Variants in TFAP2E observed in about 807,000 individuals in gnomAD.
TFAP2E encodes transcription factor AP-2 epsilon.
Under a neutral mutation model 37.9 loss-of-function variants are expected in TFAP2E, and 30 were observed. That is an observed-to-expected ratio of 0.79 (90% CI 0.59 to 1.07). TFAP2E has a LOEUF of 1.07. Ranked by LOEUF, TFAP2E falls within the 50% of genes least tolerant of loss-of-function variation. The probability of loss-of-function intolerance (pLI) is 0.00; values close to 1 mark genes in which losing one functional copy is unlikely to be tolerated. For synonymous variants in TFAP2E, 318 were observed against 295.8 expected, an observed-to-expected ratio of 1.08 and a Z score of -0.77; for missense variants, 567 against 637.9, an observed-to-expected ratio of 0.89 and a Z score of 1.20.
chr1:35,592,817 G>A (rs992444944), intron 6 of TFAP2E, among the ~76,000 whole-genome samples: 1 of 152,172 alleles, frequency 6.6e-6, no homozygotes, highest in Non-Finnish European at 1.5e-5. Context: ...TCCTCACATT[G>A]TAGAAGGGAG....
intron 3 of TFAP2E, among the ~76,000 whole-genome samples, chr1:35,579,136 A>G (rs1172993250): frequency 7.1e-6 from 1 of 140,594 alleles, no homozygotes; most frequent in Non-Finnish European, 1.5e-5. Context: ...GGCTCACACC[A>G]TGTGATCCCA....
rs1649790021 is a variant in TFAP2E, at chr1:35,594,953, G to A, written c.*277G>A. The A allele has an allele frequency of 2.0e-6, 1 of 495,224 alleles. No homozygotes were observed. The highest frequency in any genetic ancestry group is 1.9e-5 in the African/African-American group (1 of 51,448). The allele number at this position is 495,224 out of a possible 1,614,324, so 30.7% of individuals were successfully genotyped here. On this transcript the variant is annotated 3_prime_UTR_variant, in exon 7 of 7. Coordinates refer to ENST00000373235, the MANE Select transcript of TFAP2E (RefSeq NM_178548.4). ...AAGGGTTTGGACAGAAAATTGACAT[G>A]AAAAGATCTGGCTCATGGGGCAGAG...
intron 3 of TFAP2E, among the ~76,000 whole-genome samples, chr1:35,579,492 C>T (rs191994731): frequency 6.6e-6 from 1 of 152,050 alleles, no homozygotes; most frequent in African/African-American, 2.4e-5. Context: ...CAACCTCTGC[C>T]TCTCAGATTC....
chr1:35,594,366 C>T, intron 6 of TFAP2E, 28 bp from the exon 7 acceptor site: 1 of 1,602,924 alleles, frequency 6.2e-7, no homozygotes, highest in Non-Finnish European at 8.5e-7. Flanking sequence ...TTTTGTCCTC[C>T]AACCTCTGAC....
chr1:35,589,659 C>T (rs1355893307), intron 4 of TFAP2E, among the ~76,000 whole-genome samples: 1 of 151,980 alleles, frequency 6.6e-6, no homozygotes, highest in Non-Finnish European at 1.5e-5. Context: ...CCCCAGGATG[C>T]CCCACCCTGG....
intron 6 of TFAP2E, among the ~76,000 whole-genome samples, chr1:35,591,835 T>C (rs1428025676): frequency 6.6e-6 from 1 of 152,120 alleles, no homozygotes; most frequent in African/African-American, 2.4e-5. Context: ...CACAGGCGCC[T>C]GCCACCAGGC....
In TFAP2E at chr1:35,577,548, C is replaced by A; in HGVS notation, c.562+2548C>A. ...CCTGAAGCGTCGGATCCCTACAGTG[C>A]CTCCCAGCCTGGGCGGGAGCGGCGG... On this transcript the variant is annotated intron_variant, in intron 3 of 6. Coordinates refer to ENST00000373235, the MANE Select transcript of TFAP2E (RefSeq NM_178548.4). The surrounding 1 kb of genome is among the most constrained non-coding windows in gnomAD (Gnocchi z 6.3). 1 of 409,458 alleles carries A rather than the reference C, an allele frequency of 2.4e-6. No individual in the cohort carries two copies. The highest frequency in any genetic ancestry group is 5.0e-6 in the Non-Finnish European group (1 of 199,164). 25.4% of individuals were successfully genotyped at this position (409,458 alleles called of 1,614,324 possible).
At position 35,589,967 on chromosome 1, in the gene TFAP2E, C is replaced by T. The variant is rs746570827; in HGVS notation, c.823C>T (p.Arg275Trp). The T allele has an allele frequency of 5.6e-6, 9 of 1,614,014 alleles. No homozygotes were observed. The highest frequency in any genetic ancestry group is 3.3e-5 in the South Asian group (3 of 91,072). The change falls in exon 5 of 7, where the codon CGG becomes TGG. Residue 275 changes from arginine (R) to tryptophan (W), a missense_variant. By Grantham distance (101) the Arg-to-Trp change is moderately radical. Around this residue, in one of 3 missense-constraint regions of TFAP2E, gnomAD observed 252 missense variants for 302.6 expected, o/e 0.83. Coordinates refer to ENST00000373235, the MANE Select transcript of TFAP2E (RefSeq NM_178548.4). ...AAATGGGGGCCGGTGTTTGCGGGAACGGTTAGAGAAGATTGGGCTCAACCT... is the reference window on the plus strand; with the variant it reads ...AAATGGGGGCCGGTGTTTGCGGGAATGGTTAGAGAAGATTGGGCTCAACCT... ...SKNGGRCLRE[R>W]LEKIGLNLPA... is the part of the protein sequence containing the mutation.
chr1:35,588,337 C>A lies in TFAP2E; in HGVS notation c.570C>A (p.Ile190=). ...LDQSVIKKVP[I]PSKASSLSAL... ...TTTCCCTCTTCTCCACAGTGCCCAT[C>A]CCCTCCAAAGCCAGCAGCCTCTCAG... The change falls in exon 4 of 7, where the codon ATC becomes ATA. Residue 190 remains isoleucine, a synonymous_variant. Coordinates refer to ENST00000373235, the MANE Select transcript of TFAP2E (RefSeq NM_178548.4). The surrounding 1 kb of genome is among the most constrained non-coding windows in gnomAD (Gnocchi z 5.1). The A allele has an allele frequency of 6.2e-7, 1 of 1,612,034 alleles. No homozygotes were observed. Among genetic ancestry groups the A allele is most frequent in the Non-Finnish European group, 8.5e-7 (1 of 1,178,992 alleles).
At position 35,590,599 on chromosome 1, in the gene TFAP2E, A is replaced by G; in HGVS notation, c.905-35A>G. On this transcript the variant is annotated intron_variant, in intron 5 of 6. Coordinates refer to ENST00000373235, the MANE Select transcript of TFAP2E (RefSeq NM_178548.4). This position sits in a 1 kb window ranked among gnomAD's most constrained non-coding sequence, Gnocchi z 6.2. ...AAAGCTGTGTTCCAGGCGCAGAGGTACACCCTGCAGTAGTGACAGCTCCCC... is the reference window on the plus strand; with the variant it reads ...AAAGCTGTGTTCCAGGCGCAGAGGTGCACCCTGCAGTAGTGACAGCTCCCC... The G allele has an allele frequency of 7.0e-7, 1 of 1,436,768 alleles. No homozygotes were observed. The highest frequency in any genetic ancestry group is 9.2e-7 in the Non-Finnish European group (1 of 1,083,246). The allele number at this position is 1,436,768 out of a possible 1,614,324, so 89.0% of individuals were successfully genotyped here.
Position 35,588,681 on chromosome 1 carries a change from CG to C in TFAP2E, c.785+133del. 1 of 989,500 alleles carries C rather than the reference CG, an allele frequency of 1.0e-6. No individual in the cohort carries two copies. The highest frequency in any genetic ancestry group is 1.4e-6 in the Non-Finnish European group (1 of 705,738). 61.3% of individuals were successfully genotyped at this position (989,500 alleles called of 1,614,324 possible). On this transcript the variant is annotated intron_variant, in intron 4 of 6. Coordinates refer to ENST00000373235, the MANE Select transcript of TFAP2E (RefSeq NM_178548.4). The surrounding 1 kb of genome is among the most constrained non-coding windows in gnomAD (Gnocchi z 5.1). ...TCAGTCTCCCTGGGAGGGGAGGCCC[CG>C]GGGACTCTGGATTGTGCATGTTGTG...
intron 3 of TFAP2E, among the ~76,000 whole-genome samples, chr1:35,583,782 A>G (rs779921142): frequency 2.6e-5 from 4 of 151,650 alleles, no homozygotes; most frequent in Non-Finnish European, 4.4e-5. Flanking sequence ...TTTAATTCCT[A>G]CCTCCACCAC....
intron 6 of TFAP2E, among the ~76,000 whole-genome samples, chr1:35,591,779 T>C (rs911037126): frequency 6.6e-6 from 1 of 152,146 alleles, no homozygotes; most frequent in Non-Finnish European, 1.5e-5. Context: ...CTCCACCTCC[T>C]GGGTTCAAGC....
At chr1:35,578,729 A>AC (rs1649256817) in intron 3 of TFAP2E, among the ~76,000 whole-genome samples, 1 of 152,184 alleles carries the variant, frequency 6.6e-6, no homozygotes. Flanking sequence ...AGCAGCCAGG[A>AC]CATGGGTGAG....
At chr1:35,586,243 A>G (rs530076947) in intron 3 of TFAP2E, among the ~76,000 whole-genome samples, 3 of 152,210 alleles carry the variant, frequency 2.0e-5, no homozygotes, top group Non-Finnish European at 4.4e-5. Context: ...CTCTGGAGTC[A>G]GTGCTCAGAG....
rs547968715 is a variant in TFAP2E, at chr1:35,594,763, G to A, written c.*87G>A. ...GGGGTGGGCCTGGAAGGACTGAAAG[G>A]TGGGATTAGAGTCAGGCCAGAAAGA... On this transcript the variant is annotated 3_prime_UTR_variant, in exon 7 of 7. Coordinates refer to ENST00000373235, the MANE Select transcript of TFAP2E (RefSeq NM_178548.4). 508 of 1,577,106 alleles carry A rather than the reference G, an allele frequency of 3.2e-4. No homozygotes were observed. The highest frequency in any genetic ancestry group is 1.4e-3 in the East Asian group (61 of 44,752).
rs761138219 is a variant in TFAP2E at position 35,589,947 on chromosome 1, G to T, written c.803G>T (p.Gly268Val). ...ATGTCAAGGGCCAAGTCCAAAAATG[G>T]GGGCCGGTGTTTGCGGGAACGGTTA... ...GVLRRAKSKNGGRCLRERLEK... is the reference protein window; with the variant it reads ...GVLRRAKSKNVGRCLRERLEK... Residue 268 changes from glycine to valine, a missense_variant, in exon 5 of 7, where the codon GGG becomes GTG. By Grantham distance (109) the Gly-to-Val change is moderately radical. Coordinates refer to ENST00000373235, the MANE Select transcript of TFAP2E (RefSeq NM_178548.4). 5 of 1,613,998 alleles carry T rather than the reference G, an allele frequency of 3.1e-6. No individual in the cohort carries two copies. In the South Asian group the frequency reaches 4.4e-5, roughly 14 times the overall value.
Position 35,574,412 on chromosome 1 carries a change from G to T in TFAP2E, c.510+3G>T. On this transcript the variant is annotated splice_donor_region_variant and intron_variant, in intron 2 of 6. Transcript: ENST00000373235. ...CCCCCGGTCTGGAGGACCTGCAGGT[G>T]AGACCCGAGGGATCCGGGATGGGTC... is the stretch of plus-strand genomic sequence containing the variant. 1 of 1,417,714 alleles carries T rather than the reference G, an allele frequency of 7.1e-7. No homozygotes were observed. Among genetic ancestry groups the T allele is most frequent in the South Asian group, 1.5e-5 (1 of 66,190 alleles). 87.8% of individuals were successfully genotyped at this position (1,417,714 alleles called of 1,614,324 possible). A position where few individuals can be genotyped will look rare whatever the true frequency, so the allele number is the denominator to read the frequency against.
Position 35,588,465 on chromosome 1 carries a change from A to G in TFAP2E, c.698A>G (p.Lys233Arg). 2 of 1,610,298 alleles carry G rather than the reference A, an allele frequency of 1.2e-6. No homozygotes were observed. Among genetic ancestry groups the G allele is most frequent in the Non-Finnish European group, 1.7e-6 (2 of 1,179,472 alleles). The change falls in exon 4 of 7, where the codon AAG (lysine) becomes AGG (arginine). Residue 233 changes from lysine to arginine, a missense_variant. Physicochemically the swap from Lys to Arg is conservative, Grantham distance 26. Coordinates refer to ENST00000373235, the MANE Select transcript of TFAP2E (RefSeq NM_178548.4). The surrounding 1 kb of genome is among the most constrained non-coding windows in gnomAD (Gnocchi z 5.1). ...CTTTCACTGCTCAGCTCAACGTCCA[A>G]GTACAAGGTGACGGTGGGGGAGGTG... ...GRLSLLSSTS[K>R]YKVTVGEVQR... is the part of the protein sequence containing the mutation.
Sources: gnomAD v4.1 joint callset for allele counts (sites outside exome capture counted in the v4.1 genomes callset) on GRCh38, gnomAD v4.1.1 for gene constraint, gnomAD v4.1.1 regional missense constraint, Gnocchi (gnomAD v3.1) non-coding constraint, MANE v1.5 for transcripts, NCBI Gene and HGNC (gene_info 2026-07-23, HGNC 2026-07-21) for gene names.